The following DYNC2H1 variants were observed in gnomAD, a reference collection of about 807,000 sequenced individuals.
The protein encoded by DYNC2H1 is dynein cytoplasmic 2 heavy chain 1.
Under a neutral mutation model 570.0 loss-of-function variants are expected in DYNC2H1, and 410 were observed. That is an observed-to-expected ratio of 0.72 (90% CI 0.66 to 0.78). The LOEUF (loss-of-function observed/expected upper bound fraction) is 0.78. Among genes scored for constraint, DYNC2H1 ranks in the 30% least tolerant of loss-of-function variants. The pLI, the probability that DYNC2H1 is intolerant of heterozygous loss-of-function variation, is 0.00. For missense variants in DYNC2H1, 4,865 were observed against 5,046.4 expected (o/e 0.96, Z 1.09); for synonymous variants, 1,688 against 1,677.6 (o/e 1.01, Z -0.15).
intron 82 of DYNC2H1, among the ~76,000 whole-genome samples, chr11:103,354,990 A>G (rs1940268101): frequency 1.3e-5 from 2 of 152,028 alleles, no homozygotes; most frequent in African/African-American, 2.4e-5. Context: ...TTAGCTCTTC[A>G]TATAGTAATA....
chr11:103,411,249 G>A (rs118173799), intron 84 of DYNC2H1, among the ~76,000 whole-genome samples: 1 of 152,152 alleles, frequency 6.6e-6, no homozygotes, highest in Non-Finnish European at 1.5e-5. Flanking sequence ...TTTAGTTGGG[G>A]GTTACTCATA....
Position 103,189,789 on chromosome 11 carries a change from A to C in DYNC2H1, c.7410A>C (p.Ala2470=). ...CTTCATCAAAAATTTATCTTTTAGC[A>C]GGATCTATGGTACAAGTGTATGAAC... ...WGSSSKIYLL[A]GSMVQVYEQV... is the part of the protein sequence containing the mutation. Residue 2470 remains alanine (A), a synonymous_variant, in exon 45 of 89, where the codon GCA becomes GCC. Transcript: ENST00000375735. The surrounding 1 kb of genome is among the most constrained non-coding windows in gnomAD (Gnocchi z 4.3). The C allele has an allele frequency of 1.2e-6, 2 of 1,611,244 alleles. No homozygotes were observed. Among genetic ancestry groups the C allele is most frequent in the Non-Finnish European group, 1.7e-6 (2 of 1,179,080 alleles).
At chr11:103,401,922 A>T (rs1942660804) in intron 84 of DYNC2H1, 1 of 152,156 alleles carries the variant, frequency 6.6e-6, no homozygotes, top group African/African-American at 2.4e-5. Flanking sequence ...AGGGCCTGGA[A>T]TAAGATATTT....
Position 103,114,126 on chromosome 11 carries a change from T to G in DYNC2H1, c.390T>G (p.Phe130Leu). Residue 130 changes from phenylalanine to leucine, a missense_variant, in exon 3 of 89, where the codon TTT (phenylalanine) becomes TTG (leucine). Around this residue, in one of 5 missense-constraint regions of DYNC2H1, gnomAD observed 1,936 missense variants for 1,962.1 expected, o/e 0.99. Transcript: ENST00000375735. ...LLKDQEWSRN[F>L]DPKLQNLLSE... ...AGGATCAGGAATGGAGCAGAAACTT[T>G]GATCCCAAACTTCAGAATCTTTTGA... 1 of 1,610,658 alleles carries G rather than the reference T, an allele frequency of 6.2e-7. No individual in the cohort carries two copies. Among genetic ancestry groups the G allele is most frequent in the Non-Finnish European group, 8.5e-7 (1 of 1,178,280 alleles).
chr11:103,240,134 C>G (rs11225621), intron 63 of DYNC2H1, among the ~76,000 whole-genome samples: 7,528 of 152,162 alleles, frequency 0.049, 252 homozygotes, highest in Non-Finnish European at 0.071. Context: ...TTGGGGCAAG[C>G]TTCTGAATTA....
intron 12 of DYNC2H1, among the ~76,000 whole-genome samples, chr11:103,126,002 C>T (rs1037132266): frequency 1.4e-4 from 21 of 152,078 alleles, no homozygotes; most frequent in African/African-American, 3.9e-4. Context: ...ATTCTTTGGG[C>T]AGTGTGAAAA....
intron 83 of DYNC2H1, among the ~76,000 whole-genome samples, chr11:103,366,147 C>A (rs190937158): frequency 1.2e-3 from 183 of 152,300 alleles, no homozygotes; most frequent in African/African-American, 4.2e-3. Flanking sequence ...TGGGTTTCAT[C>A]TTTTGGTTGG....
intron 75 of DYNC2H1, among the ~76,000 whole-genome samples, chr11:103,290,322 A>G (rs1866542954): frequency 6.6e-6 from 1 of 152,146 alleles, no homozygotes; most frequent in Non-Finnish European, 1.5e-5. Flanking sequence ...CTGGTTGGTT[A>G]ATGATGAGTA....
intron 10 of DYNC2H1, among the ~76,000 whole-genome samples, chr11:103,121,863 A>T (rs1858727929): frequency 6.6e-6 from 1 of 152,162 alleles, no homozygotes; most frequent in Non-Finnish European, 1.5e-5. Context: ...AGGTGGGAGG[A>T]TCACCTGAAC....
intron 84 of DYNC2H1, among the ~76,000 whole-genome samples, chr11:103,435,723 G>T (rs985605290): frequency 6.6e-5 from 10 of 152,020 alleles, no homozygotes; most frequent in African/African-American, 2.4e-4. Flanking sequence ...GCCAGTTTAA[G>T]TTCATCTTGT....
chr11:103,419,010 G>A (rs1273062939), intron 84 of DYNC2H1, among the ~76,000 whole-genome samples: 1 of 152,110 alleles, frequency 6.6e-6, no homozygotes, highest in African/African-American at 2.4e-5. Context: ...CCTAAAGAAG[G>A]GGGCTGAATT....
intron 83 of DYNC2H1, among the ~76,000 whole-genome samples, chr11:103,387,685 G>A (rs1482961789): frequency 6.6e-6 from 1 of 152,162 alleles, no homozygotes; most frequent in Non-Finnish European, 1.5e-5. Flanking sequence ...TATATAAGGT[G>A]TAAGGAAGGG....
rs4754902 is a variant in DYNC2H1, at chr11:103,299,647, C to T, written c.11096-3446C>T. On this transcript the variant is annotated intron_variant, in intron 75 of 88. Transcript: ENST00000375735. The surrounding 1 kb of genome is among the most constrained non-coding windows in gnomAD (Gnocchi z 4.5). ...CCTGTTTCTCTTTTCTGCTACACTT[C>T]TTTGACTCTAACAAGAGAAACTGCT... Among the ~76,000 whole-genome samples the T allele has an allele frequency of 0.17, 25,097 of 152,072 alleles. 2,253 individuals carry two copies. Among genetic ancestry groups the T allele is most frequent in the Admixed American group, 0.25 (3,843 of 15,242 alleles).
rs1035694831 is a variant in DYNC2H1 at position 103,212,411 on chromosome 11, A to G, written c.8694+468A>G. On this transcript the variant is annotated intron_variant, in intron 54 of 88. Coordinates refer to ENST00000375735, the MANE Select transcript of DYNC2H1 (RefSeq NM_001377.3). ...CACCACTAAAGAACTTATGTAAGCA[A>G]ATACCACCTGTACCCAATAACTAAT... Among the ~76,000 whole-genome samples, 11 of 152,078 alleles carry G rather than the reference A, an allele frequency of 7.2e-5. No homozygotes were observed. The East Asian group carries it at 2.1e-3, about 29-fold the overall frequency.
At chr11:103,126,474 C>G (rs1239211330) in intron 12 of DYNC2H1, among the ~76,000 whole-genome samples, 3 of 152,068 alleles carry the variant, frequency 2.0e-5, no homozygotes, top group Non-Finnish European at 2.9e-5. Context: ...AAATATCAGG[C>G]CTTGTGGTAG....
At chr11:103,294,417 C>T (rs1029242193) in intron 75 of DYNC2H1, among the ~76,000 whole-genome samples, 1 of 152,154 alleles carries the variant, frequency 6.6e-6, no homozygotes, top group African/African-American at 2.4e-5. Flanking sequence ...TTCACTAAAG[C>T]TGTTTTAGCA....
chr11:103,123,151 A>G (rs532199111), intron 11 of DYNC2H1, among the ~76,000 whole-genome samples, 151 bp downstream of exon 11: 1 of 152,154 alleles, frequency 6.6e-6, no homozygotes, highest in East Asian at 1.9e-4. Context: ...TCAACTTTTA[A>G]TTCATTAAGG....
At chr11:103,415,304 G>T (rs1326374988) in intron 84 of DYNC2H1, among the ~76,000 whole-genome samples, 1 of 152,092 alleles carries the variant, frequency 6.6e-6, no homozygotes, top group Non-Finnish European at 1.5e-5. Context: ...TGCAACAAAA[G>T]CCAAAATTGA....
chr11:103,168,049 A>T (rs757123196), intron 31 of DYNC2H1, among the ~76,000 whole-genome samples: 7 of 152,090 alleles, frequency 4.6e-5, no homozygotes, highest in Admixed American at 6.5e-5. Context: ...CCAGCATTTT[A>T]TGGTTCCCTC....
Sources: allele counts gnomAD v4.1 joint callset (sites outside exome capture counted in the v4.1 genomes callset), GRCh38; gene constraint gnomAD v4.1.1; regional missense constraint gnomAD v4.1.1; non-coding constraint Gnocchi (gnomAD v3.1); transcripts MANE v1.5; gene names NCBI Gene and HGNC (gene_info 2026-07-23, HGNC 2026-07-21).